KIAA0825: variants seen among roughly 807,000 people sequenced by gnomAD.
The protein encoded by KIAA0825 is KIAA0825.
In KIAA0825, 119 loss-of-function variants were observed where a neutral mutation model predicts 147.6. That is an observed-to-expected ratio of 0.81 (90% confidence interval 0.69 to 0.94). The LOEUF (loss-of-function observed/expected upper bound fraction) is 0.94. Among genes scored for constraint, KIAA0825 ranks in the 40% least tolerant of loss-of-function variants. KIAA0825 has a pLI of 0.00. For missense variants in KIAA0825, 1,381 were observed against 1,472.7 expected (o/e 0.94, Z 1.02); for synonymous variants, 470 against 518.1 (o/e 0.91, Z 1.26).
intron 2 of KIAA0825, among the ~76,000 whole-genome samples, chr5:94,563,096 C>T (rs1285562966): frequency 6.6e-6 from 1 of 151,842 alleles, no homozygotes; most frequent in Admixed American, 6.6e-5. Context: ...AATCCCAGCA[C>T]TTTGGGAGGC....
At chr5:94,565,631 C>T (rs570265762) in intron 2 of KIAA0825, among the ~76,000 whole-genome samples, 5 of 152,176 alleles carry the variant, frequency 3.3e-5, no homozygotes, top group South Asian at 2.1e-4. Flanking sequence ...CCTGAGCCAC[C>T]GCACCTGGCT....
chr5:94,408,791 G>C (rs531799795), intron 15 of KIAA0825, among the ~76,000 whole-genome samples: 1 of 152,094 alleles, frequency 6.6e-6, no homozygotes, highest in Non-Finnish European at 1.5e-5. Context: ...AGAGAAGAAC[G>C]TACACTATGA....
intron 20 of KIAA0825, among the ~76,000 whole-genome samples, chr5:94,298,497 T>C (rs917344293): frequency 2.6e-5 from 4 of 152,196 alleles, no homozygotes; most frequent in African/African-American, 9.7e-5. Context: ...AAGGCAACGC[T>C]TATTTGTGTG....
At position 94,537,138 on chromosome 5, in the gene KIAA0825, A is replaced by G; in HGVS notation, c.-1-11T>C. The G allele has an allele frequency of 6.3e-7, 1 of 1,595,550 alleles. No homozygotes were observed. The highest frequency in any genetic ancestry group is 8.5e-7 in the Non-Finnish European group (1 of 1,171,596). ...TCATCCCAATCCATTCTGAGGAGCA[A>G]GAATAAATAATAAAACATGTCAGTT... is the stretch of plus-strand genomic sequence containing the variant. On this transcript the variant is annotated splice_polypyrimidine_tract_variant and intron_variant, in intron 2 of 20. Coordinates refer to ENST00000682413, the MANE Select transcript of KIAA0825 (RefSeq NM_001145678.3).
At chr5:94,490,219 C>G (rs1763572697) in intron 5 of KIAA0825, among the ~76,000 whole-genome samples, 1 of 152,046 alleles carries the variant, frequency 6.6e-6, no homozygotes, top group Admixed American at 6.6e-5. Context: ...TCAGCATAAT[C>G]TCATACAAAG....
intron 5 of KIAA0825, among the ~76,000 whole-genome samples, chr5:94,518,747 C>A (rs573487307): frequency 8.9e-4 from 135 of 152,220 alleles, no homozygotes; most frequent in African/African-American, 3.2e-3. Context: ...TATGCACCTA[C>A]ACTTGTGGAA....
chr5:94,612,667 A>G (rs1789200002), intron 1 of KIAA0825, among the ~76,000 whole-genome samples: 1 of 152,190 alleles, frequency 6.6e-6, no homozygotes, highest in African/African-American at 2.4e-5. Flanking sequence ...GCATTATTTT[A>G]TTTAATCTTC....
At position 94,520,818 on chromosome 5, in the gene KIAA0825, T is replaced by C; in HGVS notation, c.400A>G (p.Ser134Gly). Residue 134 changes from serine (S) to glycine (G), a missense_variant, in exon 5 of 21, where the codon AGT becomes GGT. Physicochemically the swap from Ser to Gly is moderately conservative, Grantham distance 56. Coordinates refer to ENST00000682413, the MANE Select transcript of KIAA0825 (RefSeq NM_001145678.3). ...GAGAGGAAATGGAAAGATGTTCCAC[T>C]TAGGGTTGATGGGAATGAAACGCTG... Reference protein sequence around the residue: ...HSSVSFPSTLSGTSFHFLSRT... With the variant: ...HSSVSFPSTLGGTSFHFLSRT... 1 of 1,613,226 alleles carries C rather than the reference T, an allele frequency of 6.2e-7. No homozygotes were observed. Among genetic ancestry groups the C allele is most frequent in the Non-Finnish European group, 8.5e-7 (1 of 1,179,386 alleles).
At chr5:94,484,984 A>T in intron 5 of KIAA0825, 54 bp from the exon 6 acceptor site, 1 of 1,224,612 alleles carries the variant, frequency 8.2e-7, no homozygotes, top group Non-Finnish European at 1.1e-6. Context: ...TTCTTAGTAA[A>T]TATTAGAATG....
chr5:94,342,439 G>A (rs1299369990), intron 20 of KIAA0825, among the ~76,000 whole-genome samples: 1 of 152,104 alleles, frequency 6.6e-6, no homozygotes, highest in Non-Finnish European at 1.5e-5. Context: ...TATAAATTTG[G>A]AAGTCAGTAT....
At chr5:94,210,830 T>C (rs913674719) in intron 20 of KIAA0825, among the ~76,000 whole-genome samples, 1 of 152,214 alleles carries the variant, frequency 6.6e-6, no homozygotes. Context: ...TTTAGTTTCC[T>C]TGTTAACAGC....
At chr5:94,479,684 C>T (rs1762278244) in intron 6 of KIAA0825, among the ~76,000 whole-genome samples, 1 of 152,086 alleles carries the variant, frequency 6.6e-6, no homozygotes, top group Admixed American at 6.6e-5. Context: ...AACTGTCTTC[C>T]AAAGAGCCTG....
chr5:94,509,732 T>A (rs1162024486), intron 5 of KIAA0825, among the ~76,000 whole-genome samples: 1 of 152,204 alleles, frequency 6.6e-6, no homozygotes, highest in Admixed American at 6.5e-5. Flanking sequence ...TACATACTGA[T>A]TCTACATTAC....
At chr5:94,241,197 C>T (rs539546744) in intron 20 of KIAA0825, among the ~76,000 whole-genome samples, 1 of 152,300 alleles carries the variant, frequency 6.6e-6, no homozygotes, top group East Asian at 1.9e-4. Flanking sequence ...TATTTCCAAT[C>T]TATCTCATTT....
At chr5:94,222,668 T>C (rs949647168) in intron 20 of KIAA0825, among the ~76,000 whole-genome samples, 4 of 152,220 alleles carry the variant, frequency 2.6e-5, no homozygotes, top group African/African-American at 9.6e-5. Context: ...AAAGATACTC[T>C]CTTGCATAAT....
intron 18 of KIAA0825, among the ~76,000 whole-genome samples, chr5:94,389,852 G>A (rs914271071): frequency 7.2e-5 from 11 of 152,106 alleles, no homozygotes; most frequent in African/African-American, 2.7e-4. Flanking sequence ...TTTGCCTCTA[G>A]CCTCACCTAA....
intron 20 of KIAA0825, among the ~76,000 whole-genome samples, chr5:94,240,324 C>G (rs989869033): frequency 6.6e-6 from 1 of 152,182 alleles, no homozygotes; most frequent in Non-Finnish European, 1.5e-5. Flanking sequence ...CTGCTTACAA[C>G]ATAACATTAG....
At chr5:94,285,817 T>C (rs1047077435) in intron 20 of KIAA0825, among the ~76,000 whole-genome samples, 1 of 152,164 alleles carries the variant, frequency 6.6e-6, no homozygotes, top group Non-Finnish European at 1.5e-5. Flanking sequence ...AAAACAGTCC[T>C]GTAATCATAG....
intron 16 of KIAA0825, among the ~76,000 whole-genome samples, chr5:94,400,627 T>C (rs1562460378): frequency 6.6e-6 from 1 of 152,166 alleles, no homozygotes; most frequent in Non-Finnish European, 1.5e-5. Context: ...TGAGAAAATA[T>C]CTTCTCAGGT....
Sources: gnomAD v4.1 joint callset for allele counts (sites outside exome capture counted in the v4.1 genomes callset) on GRCh38, gnomAD v4.1.1 for gene constraint, MANE v1.5 for transcripts, NCBI Gene and HGNC (gene_info 2026-07-23, HGNC 2026-07-21) for gene names.